The following TRPV3 variants were observed in gnomAD, a reference collection of about 807,000 sequenced individuals.
TRPV3 encodes the protein transient receptor potential cation channel subfamily V member 3, also known as VRL-3.
In TRPV3, 88 loss-of-function variants were observed where a neutral mutation model predicts 87.1. That is an observed-to-expected ratio of 1.01 (90% CI 0.85 to 1.21). The LOEUF (loss-of-function observed/expected upper bound fraction) is 1.21. TRPV3 is among the 50% of genes most tolerant of loss of function. The pLI, the probability that TRPV3 is intolerant of heterozygous loss-of-function variation, is 0.00. For synonymous variants in TRPV3, 438 were observed against 423.3 expected, an observed-to-expected ratio of 1.03 and a Z score of -0.43; for missense variants, 1,054 against 1,030.1, an observed-to-expected ratio of 1.02 and a Z score of -0.32.
At chr17:3,546,887 G>A (rs2074531317) in intron 2 of TRPV3, 1 of 276,314 alleles carries the variant, frequency 3.6e-6, no homozygotes, top group South Asian at 3.3e-5. Context: ...AGAATTGCTT[G>A]AAACCGGGAG....
At chr17:3,522,823 A>AC (rs71153366) in intron 13 of TRPV3, among the ~76,000 whole-genome samples, 27,721 of 148,448 alleles carry the variant, frequency 0.19, 2,564 homozygotes, top group Middle Eastern at 0.29. Context: ...TCACAAACAA[A>AC]AAAAAAAAAA....
At chr17:3,525,705 C>T (rs1406068247) in intron 12 of TRPV3, among the ~76,000 whole-genome samples, 4 of 151,514 alleles carry the variant, frequency 2.6e-5, no homozygotes, top group African/African-American at 9.7e-5. Flanking sequence ...CTGCAGCCTC[C>T]GCCTCCCTGG....
chr17:3,511,902 G>C lies in TRPV3; in HGVS notation c.*2015C>G, dbSNP rs1448274631. On this transcript the variant is annotated 3_prime_UTR_variant, in exon 18 of 18. Transcript: ENST00000576742. ...ATTCTGGAATTCCCAGCTCCATAGT[G>C]TGGAGCTTGGCATCATGAATCCAAA... is the stretch of plus-strand genomic sequence containing the variant. 1.3e-5 allele frequency: 2 copies of C among 152,176 alleles called. No individual in the cohort carries two copies. Among genetic ancestry groups the C allele is most frequent in the Non-Finnish European group, 2.9e-5 (2 of 68,052 alleles). The allele number at this position is 152,176 out of a possible 1,614,324, so 9.4% of individuals were successfully genotyped here. A position where few individuals can be genotyped will look rare whatever the true frequency, so the allele number is the denominator to read the frequency against.
At chr17:3,525,293 T>G (rs1311813986) in intron 12 of TRPV3, among the ~76,000 whole-genome samples, 5 of 152,244 alleles carry the variant, frequency 3.3e-5, no homozygotes, top group Non-Finnish European at 5.9e-5. Context: ...GTGCTGGGAT[T>G]ACAGGCGTGA....
chr17:3,518,913 C>A lies in TRPV3; in HGVS notation c.1811-63G>T. Reference sequence around the variant, plus strand: ...GCCTGGTAATTACTCTACAAGCTTGCGTGTATTTGCCTACATGACAAGCCT... The same window carrying A: ...GCCTGGTAATTACTCTACAAGCTTGAGTGTATTTGCCTACATGACAAGCCT... On this transcript the variant is annotated intron_variant, in intron 14 of 17. Transcript: ENST00000576742. The surrounding 1 kb of genome is among the most constrained non-coding windows in gnomAD (Gnocchi z 4.3). 2.0e-6 allele frequency: 3 copies of A among 1,532,246 alleles called. No homozygotes were observed. Among genetic ancestry groups the A allele is most frequent in the Non-Finnish European group, 2.6e-6 (3 of 1,135,256 alleles). 94.9% of individuals were successfully genotyped at this position (1,532,246 alleles called of 1,614,324 possible). A position where few individuals can be genotyped will look rare whatever the true frequency, so the allele number is the denominator to read the frequency against.
chr17:3,524,167 G>C, intron 13 of TRPV3, 31 bp downstream of exon 13: 1 of 1,607,528 alleles, frequency 6.2e-7, no homozygotes, highest in South Asian at 1.1e-5. Flanking sequence ...ATCCTCCGAG[G>C]GCCCTCCCGC....
chr17:3,525,377 T>A (rs1242108664), intron 12 of TRPV3, among the ~76,000 whole-genome samples: 1 of 152,130 alleles, frequency 6.6e-6, no homozygotes, highest in Non-Finnish European at 1.5e-5. Context: ...GACTCCACTA[T>A]ATGACTGTAC....
intron 6 of TRPV3, among the ~76,000 whole-genome samples, chr17:3,537,847 G>A (rs1017268515): frequency 1.2e-4 from 17 of 144,804 alleles, no homozygotes; most frequent in Admixed American, 2.2e-4. Flanking sequence ...CAGAGATCGC[G>A]CCACTGTACT....
intron 7 of TRPV3, among the ~76,000 whole-genome samples, chr17:3,533,315 G>A (rs937263272): frequency 6.6e-5 from 10 of 151,958 alleles, no homozygotes; most frequent in African/African-American, 1.9e-4. Flanking sequence ...CCAACACGCC[G>A]CCTGGGGGCC....
At chr17:3,532,978 C>A (rs373055839) in intron 7 of TRPV3, 41 bp from the exon 8 acceptor site, 2 of 1,601,938 alleles carry the variant, frequency 1.2e-6, no homozygotes, top group Admixed American at 1.7e-5. Context: ...TCTCATGGGC[C>A]GGAAGCAGCG....
At position 3,530,277 on chromosome 17, in the gene TRPV3, G is replaced by T; in HGVS notation, c.1066-74C>A. On this transcript the variant is annotated intron_variant, in intron 8 of 17. Coordinates refer to ENST00000576742, the MANE Select transcript of TRPV3 (RefSeq NM_145068.4). This position sits in a 1 kb window ranked among gnomAD's most constrained non-coding sequence, Gnocchi z 4.0. ...GCCAACAGGGCTGGACCAGCCAGAG[G>T]CTGGCTGGGCCCAGGGGATACACCC... 6.8e-7 allele frequency: 1 copy of T among 1,474,550 alleles called. No individual in the cohort carries two copies. The highest frequency in any genetic ancestry group is 1.4e-5 in the South Asian group (1 of 73,476). 91.3% of individuals were successfully genotyped at this position (1,474,550 alleles called of 1,614,324 possible).
In TRPV3 at chr17:3,513,218, G is replaced by C. The variant is rs2074137302; in HGVS notation, c.*699C>G. On this transcript the variant is annotated 3_prime_UTR_variant, in exon 18 of 18. Coordinates refer to ENST00000576742, the MANE Select transcript of TRPV3 (RefSeq NM_145068.4). ...ATTGTAGTAATTTTCATTCTCAACT[G>C]AAATGTCTTTTCCGTATTGCAAGTT... 2 of 152,598 alleles carry C rather than the reference G, an allele frequency of 1.3e-5. No individual in the cohort carries two copies. Among genetic ancestry groups the C allele is most frequent in the Non-Finnish European group, 1.5e-5 (1 of 68,040 alleles). The allele number at this position is 152,598 out of a possible 1,614,324, so 9.5% of individuals were successfully genotyped here.
At position 3,528,599 on chromosome 17, in the gene TRPV3, C is replaced by A. The variant is rs554200472; in HGVS notation, c.1401+238G>T. Among the ~76,000 whole-genome samples, 2 of 152,178 alleles carry A rather than the reference C, an allele frequency of 1.3e-5. No individual in the cohort carries two copies. The highest frequency in any genetic ancestry group is 4.8e-5 in the African/African-American group (2 of 41,446). ...AGACCCTGTGCAGGGCCTGAGTCTC[C>A]GAATTCTCCAACTTTCCTCCCAGCA... On this transcript the variant is annotated intron_variant, in intron 10 of 17. Coordinates refer to ENST00000576742, the MANE Select transcript of TRPV3 (RefSeq NM_145068.4). This position sits in a 1 kb window ranked among gnomAD's most constrained non-coding sequence, Gnocchi z 4.2.
rs748594064 is a variant in TRPV3, at chr17:3,532,869, C to T, written c.853G>A (p.Glu285Lys). 9.4e-5 allele frequency: 152 copies of T among 1,614,132 alleles called. No individual in the cohort carries two copies. The highest frequency in any genetic ancestry group is 1.2e-4 in the Non-Finnish European group (136 of 1,180,048). Residue 285 changes from glutamate (E) to lysine (K), a missense_variant, in exon 8 of 18, where the codon GAG becomes AAG. Physicochemically the swap from Glu to Lys is moderately conservative, Grantham distance 56 (BLOSUM62 1). Coordinates refer to ENST00000576742, the MANE Select transcript of TRPV3 (RefSeq NM_145068.4). ...TCCCGCGAGGTGATGTCCGTCTGCT[C>T]GTGCTCCATCAGCAGCTGCACAATC... is the stretch of plus-strand genomic sequence containing the variant. ...PEIVQLLMEH[E>K]QTDITSRDSR...
At position 3,513,734 on chromosome 17, in the gene TRPV3, T is replaced by C. The variant is rs900834681; in HGVS notation, c.*183A>G. On this transcript the variant is annotated 3_prime_UTR_variant, in exon 18 of 18. Coordinates refer to ENST00000576742, the MANE Select transcript of TRPV3 (RefSeq NM_145068.4). ...TAACAAAATCCAGGATGTTTCCCAC[T>C]CAGACAAATTGACAACTGCCCCTCA... The C allele has an allele frequency of 1.2e-5, 6 of 519,094 alleles. No individual in the cohort carries two copies. The highest frequency in any genetic ancestry group is 9.7e-5 in the Admixed American group (3 of 30,966). The allele number at this position is 519,094 out of a possible 1,614,324, so 32.2% of individuals were successfully genotyped here.
At chr17:3,519,579 T>A (rs2074219867) in intron 14 of TRPV3, among the ~76,000 whole-genome samples, 1 of 114,938 alleles carries the variant, frequency 8.7e-6, no homozygotes, top group South Asian at 2.8e-4. Flanking sequence ...GATGGATGAT[T>A]AAATGGATGA....
At chr17:3,536,536 C>T (rs915179343) in intron 6 of TRPV3, among the ~76,000 whole-genome samples, 1 of 152,086 alleles carries the variant, frequency 6.6e-6, no homozygotes, top group Non-Finnish European at 1.5e-5. Flanking sequence ...TGCAGTGAGC[C>T]GAGATTGGTC....
intron 2 of TRPV3, among the ~76,000 whole-genome samples, chr17:3,549,023 T>C (rs1485203396): frequency 6.6e-6 from 1 of 152,116 alleles, no homozygotes; most frequent in Admixed American, 6.6e-5. Context: ...CCCAGAACTT[T>C]TGCCCTAAAG....
chr17:3,545,950 A>C (rs1321641928), intron 2 of TRPV3, among the ~76,000 whole-genome samples: 1 of 148,078 alleles, frequency 6.8e-6, no homozygotes, highest in African/African-American at 2.5e-5. Flanking sequence ...AGACCGCGCC[A>C]CTGCACTCCA....
Sources: gnomAD v4.1 joint callset for allele counts (sites outside exome capture counted in the v4.1 genomes callset) on GRCh38, gnomAD v4.1.1 for gene constraint, Gnocchi (gnomAD v3.1) non-coding constraint, MANE v1.5 for transcripts, NCBI Gene and HGNC (gene_info 2026-07-23, HGNC 2026-07-21) for gene names.